PPM1E: variants seen among roughly 807,000 people sequenced by gnomAD.
PPM1E encodes protein phosphatase, Mg2+/Mn2+ dependent 1E, also known as protein phosphatase 1E.
In PPM1E, 20 loss-of-function variants were observed where a neutral mutation model predicts 65.9. That is an observed-to-expected ratio of 0.30 (90% confidence interval 0.21 to 0.44). The LOEUF is 0.44. Ranked by LOEUF, PPM1E falls within the 20% of genes least tolerant of loss-of-function variation. PPM1E has a pLI of 1.00. For synonymous variants in PPM1E, 352 were observed against 374.9 expected, an observed-to-expected ratio of 0.94 and a Z score of 0.70; for missense variants, 713 against 953.1, an observed-to-expected ratio of 0.75 and a Z score of 3.32.
chr17:58,794,358 G>T (rs1257478546), intron 1 of PPM1E, among the ~76,000 whole-genome samples: 16 of 151,792 alleles, frequency 1.1e-4, no homozygotes, highest in Non-Finnish European at 2.2e-4. Flanking sequence ...GATTACAGGT[G>T]TGGGCCACCA....
rs758087716 is a variant in PPM1E at position 58,956,942 on chromosome 17, C to A, written c.583+1175C>A. ...CTGTAGATTGTTTGTGACAGAAAAT[C>A]GGCAAGGAAGGAATTACTCTTCTTG... is the stretch of plus-strand genomic sequence containing the variant. On this transcript the variant is annotated intron_variant, in intron 2 of 6. Coordinates refer to ENST00000308249, the MANE Select transcript of PPM1E (RefSeq NM_014906.5). Among the ~76,000 whole-genome samples, 5 of 152,142 alleles carry A rather than the reference C, an allele frequency of 3.3e-5. No individual in the cohort carries two copies. The South Asian group carries it at 1.0e-3, about 31-fold the overall frequency.
intron 1 of PPM1E, among the ~76,000 whole-genome samples, chr17:58,949,222 A>C (rs1002947420): frequency 2.0e-5 from 3 of 152,072 alleles, no homozygotes; most frequent in African/African-American, 4.8e-5. Context: ...AGCTTCTTGA[A>C]TTGTTTCCTT....
At chr17:58,854,275 T>G (rs1401898974) in intron 1 of PPM1E, among the ~76,000 whole-genome samples, 1 of 152,188 alleles carries the variant, frequency 6.6e-6, no homozygotes, top group East Asian at 1.9e-4. Flanking sequence ...TTTGATGAAT[T>G]TATTAGTTCT....
intron 1 of PPM1E, among the ~76,000 whole-genome samples, chr17:58,828,012 A>C (rs1459587057): frequency 1.3e-5 from 2 of 151,388 alleles, no homozygotes. Flanking sequence ...CGAGGTCAGG[A>C]GTTCGAGACC....
intron 1 of PPM1E, among the ~76,000 whole-genome samples, chr17:58,758,527 C>CAAA (rs568329714): frequency 1.3e-4 from 9 of 70,806 alleles, no homozygotes; most frequent in Non-Finnish European, 2.4e-4. Context: ...GACTCCGTCT[C>CAAA]AAAAAAAAAA....
chr17:58,939,097 C>T (rs559686897), intron 1 of PPM1E, among the ~76,000 whole-genome samples: 10 of 152,136 alleles, frequency 6.6e-5, no homozygotes, highest in African/African-American at 1.7e-4. Context: ...CCACTAATTC[C>T]GATAATGACT....
chr17:58,929,746 G>C (rs998480220), intron 1 of PPM1E, among the ~76,000 whole-genome samples: 13 of 152,288 alleles, frequency 8.5e-5, no homozygotes, highest in African/African-American at 2.9e-4. Flanking sequence ...ATTCCATGAA[G>C]AGAAGCAGAG....
chr17:58,774,718 G>A (rs2049976590), intron 1 of PPM1E, among the ~76,000 whole-genome samples: 1 of 152,078 alleles, frequency 6.6e-6, no homozygotes, highest in African/African-American at 2.4e-5. Context: ...TTTCTTATTT[G>A]TGTATGTTTT....
At chr17:58,888,006 A>AG (rs2051296972) in intron 1 of PPM1E, among the ~76,000 whole-genome samples, 1 of 152,188 alleles carries the variant, frequency 6.6e-6, no homozygotes, top group African/African-American at 2.4e-5. Context: ...GGAAGAATCA[A>AG]GGAAGCATAA....
chr17:58,949,228 T>A (rs2052203404), intron 1 of PPM1E, among the ~76,000 whole-genome samples: 1 of 152,190 alleles, frequency 6.6e-6, no homozygotes, highest in African/African-American at 2.4e-5. Context: ...TTGAATTGTT[T>A]CCTTAATTAC....
Position 58,931,237 on chromosome 17 carries a change from T to C in PPM1E, c.465-24412T>C, listed in dbSNP as rs538106561. Among the ~76,000 whole-genome samples the C allele has an allele frequency of 1.1e-4, 16 of 151,902 alleles. No homozygotes were observed. The South Asian group carries it at 2.9e-3, about 28-fold the overall frequency. On this transcript the variant is annotated intron_variant, in intron 1 of 6. Coordinates refer to ENST00000308249, the MANE Select transcript of PPM1E (RefSeq NM_014906.5). ...CCCCATCTCTACTAAAAATACAAAA[T>C]TAACCAGGCATGGTGGTGCATGCCT...
intron 1 of PPM1E, among the ~76,000 whole-genome samples, chr17:58,913,384 TA>T (rs951983861): frequency 9.4e-5 from 14 of 149,100 alleles, no homozygotes; most frequent in Admixed American, 3.3e-4. Flanking sequence ...TGAGCAGACT[TA>T]AAAAAAAAAC....
chr17:58,765,759 A>G (rs2049868125), intron 1 of PPM1E, among the ~76,000 whole-genome samples: 1 of 152,106 alleles, frequency 6.6e-6, no homozygotes, highest in African/African-American at 2.4e-5. Flanking sequence ...ACTTGATTCC[A>G]TAATGATTTA....
At chr17:58,845,782 G>T (rs748604920) in intron 1 of PPM1E, among the ~76,000 whole-genome samples, 1 of 152,172 alleles carries the variant, frequency 6.6e-6, no homozygotes, top group Non-Finnish European at 1.5e-5. Flanking sequence ...CCACGTTCAA[G>T]AGATTCTGCT....
At chr17:58,767,919 G>A (rs2049898806) in intron 1 of PPM1E, among the ~76,000 whole-genome samples, 2 of 152,098 alleles carry the variant, frequency 1.3e-5, no homozygotes, top group Admixed American at 1.3e-4. Context: ...TGGGATTACA[G>A]GTGTGAGCCA....
intron 1 of PPM1E, among the ~76,000 whole-genome samples, chr17:58,862,624 G>A (rs917375949): frequency 6.6e-6 from 1 of 152,164 alleles, no homozygotes; most frequent in South Asian, 2.1e-4. Flanking sequence ...AGAGGAAAAT[G>A]ACCTTGATTG....
At chr17:58,893,239 C>G (rs567700577) in intron 1 of PPM1E, among the ~76,000 whole-genome samples, 1 of 152,014 alleles carries the variant, frequency 6.6e-6, no homozygotes, top group Non-Finnish European at 1.5e-5. Flanking sequence ...GATAAACAAA[C>G]GGTGGTGCAT....
At chr17:58,821,350 TC>T (rs1194132882) in intron 1 of PPM1E, among the ~76,000 whole-genome samples, 2 of 152,192 alleles carry the variant, frequency 1.3e-5, no homozygotes, top group Non-Finnish European at 2.9e-5. Context: ...GACCTTCTGA[TC>T]CGCCCGTCTC....
chr17:58,774,165 C>G (rs1051820001), intron 1 of PPM1E, among the ~76,000 whole-genome samples: 8 of 150,698 alleles, frequency 5.3e-5, no homozygotes, highest in Non-Finnish European at 7.4e-5. Context: ...TCTGTCCCCC[C>G]CCCCCAAAAA....
Sources: allele counts gnomAD v4.1 joint callset (sites outside exome capture counted in the v4.1 genomes callset), GRCh38; gene constraint gnomAD v4.1.1; transcripts MANE v1.5; gene names NCBI Gene and HGNC (gene_info 2026-07-23, HGNC 2026-07-21).